Variants in MATK observed in about 807,000 individuals in gnomAD.
MATK encodes the protein megakaryocyte-associated tyrosine-protein kinase.
Under a neutral mutation model 59.8 loss-of-function variants are expected in MATK, and 41 were observed. The observed-to-expected ratio is 0.69, with a 90% confidence interval of 0.53 to 0.89. The LOEUF (loss-of-function observed/expected upper bound fraction) is 0.89, where lower values mean the gene tolerates loss of function less well. Among genes scored for constraint, MATK ranks in the 40% least tolerant of loss-of-function variants. The probability of loss-of-function intolerance (pLI) is 0.00; values close to 1 mark genes in which losing one functional copy is unlikely to be tolerated. For synonymous variants in MATK, 308 were observed against 306.1 expected (o/e 1.01, Z -0.06); for missense variants, 593 against 719.6 (o/e 0.82, Z 2.01).
Position 3,778,245 on chromosome 19 carries a change from G to T in MATK, c.1462C>A (p.Pro488Thr). The T allele has an allele frequency of 6.3e-7, 1 of 1,576,228 alleles. No individual in the cohort carries two copies. The highest frequency in any genetic ancestry group is 8.5e-7 in the Non-Finnish European group (1 of 1,170,896). The change falls in exon 14 of 14, where the codon CCA (proline) becomes ACA (threonine). Residue 488 changes from proline to threonine, a missense_variant. Physicochemically the swap from Pro to Thr is conservative, Grantham distance 38 (BLOSUM62 -1). Coordinates refer to ENST00000310132, the MANE Select transcript of MATK (RefSeq NM_139355.3). ...LARELRSAGA[P>T]ASVSGQDADG... ...GCGTCCTGCCCTGAGACGGAGGCTG[G>T]GGCACCTGCACTGCGTAGCTCCCGG...
chr19:3,781,534 GCT>G, intron 8 of MATK, 71 bp downstream of exon 8: 6 of 1,496,960 alleles, frequency 4.0e-6, no homozygotes, highest in South Asian at 2.3e-5. Context: ...TTTGAATTCA[GCT>G]CTGTGACTCC....
chr19:3,785,039 G>A (rs745491390), intron 2 of MATK, 25 bp downstream of exon 2: 3 of 1,606,888 alleles, frequency 1.9e-6, no homozygotes, highest in Non-Finnish European at 1.7e-6. Flanking sequence ...GGCTCCCCAA[G>A]CCCCTGTGGG....
At chr19:3,791,321 T>C (rs2037539021), upstream of MATK, among the ~76,000 whole-genome samples, 1 of 151,256 alleles carries the variant, frequency 6.6e-6, no homozygotes. Context: ...AGCAGCCCAG[T>C]GGACACAGTC....
chr19:3,788,047 A>G (rs2037504817), upstream of MATK, among the ~76,000 whole-genome samples: 1 of 149,502 alleles, frequency 6.7e-6, no homozygotes, highest in Non-Finnish European at 1.5e-5. Context: ...ACACGTGCAC[A>G]CCATGGTGCC....
In MATK at chr19:3,778,612, G is replaced by A. The variant is rs775491500; in HGVS notation, c.1198-17C>T. On this transcript the variant is annotated splice_polypyrimidine_tract_variant and intron_variant, in intron 12 of 13. Coordinates refer to ENST00000310132, the MANE Select transcript of MATK (RefSeq NM_139355.3). ...GGTGAACTTCTGTGGGGCCCGAGAC[G>A]GGGGTGAGGAGGGACCCCTCAGGTT... 35 of 1,599,622 alleles carry A rather than the reference G, an allele frequency of 2.2e-5. No homozygotes were observed. The East Asian group carries it at 4.1e-4, about 19-fold the overall frequency.
Position 3,784,465 on chromosome 19 carries a change from CG to C in MATK, c.133-15del. The C allele has an allele frequency of 6.4e-7, 1 of 1,568,250 alleles. No individual in the cohort carries two copies. Among genetic ancestry groups the C allele is most frequent in the Non-Finnish European group, 8.6e-7 (1 of 1,157,864 alleles). On this transcript the variant is annotated splice_polypyrimidine_tract_variant and intron_variant, in intron 3 of 13. Coordinates refer to ENST00000310132, the MANE Select transcript of MATK (RefSeq NM_139355.3). Reference sequence around the variant, plus strand: ...GGCCCAGCGCCTCTGCAGAGGGGGCCGGGAGAGGGGCAAAGGGAGGACATCA... The same window carrying C: ...GGCCCAGCGCCTCTGCAGAGGGGGCCGGAGAGGGGCAAAGGGAGGACATCA...
In MATK at chr19:3,779,293, C is replaced by T. The variant is rs1699610692; in HGVS notation, c.1001+85G>A. On this transcript the variant is annotated intron_variant, in intron 11 of 13. Transcript: ENST00000310132. Reference sequence around the variant, plus strand: ...CCACAAGCTCACAAAGCCTCCCTGCCCCGTGCCTCAGTTTCCCCTTGATGG... The same window carrying T: ...CCACAAGCTCACAAAGCCTCCCTGCTCCGTGCCTCAGTTTCCCCTTGATGG... 3.8e-6 allele frequency: 6 copies of T among 1,574,270 alleles called. No homozygotes were observed. The South Asian group carries it at 6.7e-5, about 18-fold the overall frequency.
chr19:3,784,739 T>C, intron 3 of MATK, 86 bp downstream of exon 3: 1 of 908,994 alleles, frequency 1.1e-6, no homozygotes, highest in Non-Finnish European at 1.8e-6. Context: ...GGGCAGAGAG[T>C]ACAGCCCTTC....
At chr19:3,796,039 C>T (rs1018356482) in intron 1 of MATK, among the ~76,000 whole-genome samples, 4 of 151,914 alleles carry the variant, frequency 2.6e-5, no homozygotes, top group Admixed American at 6.6e-5. Context: ...TGGGATTACA[C>T]GTGTGAGCCA....
chr19:3,783,318 C>T (rs1273188670), intron 6 of MATK, 99 bp from the exon 7 acceptor site: 3 of 302,762 alleles, frequency 9.9e-6, no homozygotes, highest in Non-Finnish European at 1.4e-5. Flanking sequence ...TGGGTGGGAC[C>T]GGGGAGGAGG....
intron 1 of MATK, among the ~76,000 whole-genome samples, chr19:3,798,597 CT>C (rs1361714162): frequency 6.6e-6 from 1 of 152,172 alleles, no homozygotes; most frequent in Non-Finnish European, 1.5e-5. Context: ...ACTGCAATCT[CT>C]GCTTCCCAGG....
At position 3,792,106 on chromosome 19, in the gene MATK, T is replaced by TA. The variant is rs59970387; in HGVS notation, c.-57-2703dup. 2.0e-4 allele frequency among the ~76,000 whole-genome samples: 28 copies of TA among 141,166 alleles called. 1 individual carries two copies. The highest frequency in any genetic ancestry group is 4.5e-4 in the African/African-American group (17 of 38,150). 92.6% of individuals were successfully genotyped at this position (141,166 alleles called of 152,430 possible). ...CTGGCAACAGAGTGAGACTCCATCTTAAAAAAAAAAAAAAAAGTGTAAAGT... is the reference window on the plus strand; with the variant it reads ...CTGGCAACAGAGTGAGACTCCATCTTAAAAAAAAAAAAAAAAAGTGTAAAGT... On this transcript the variant is annotated intron_variant, in intron 1 of 13. Transcript: ENST00000395045.
At chr19:3,788,756 ATC>A (rs1243732757), upstream of MATK, among the ~76,000 whole-genome samples, 3 of 150,884 alleles carry the variant, frequency 2.0e-5, no homozygotes, top group African/African-American at 7.3e-5. Context: ...CCACTGCACT[ATC>A]TCAGCTCACT....
At position 3,778,028 on chromosome 19, in the gene MATK, C is replaced by T. The variant is rs935717875; in HGVS notation, c.*155G>A. 37 of 1,088,762 alleles carry T rather than the reference C, an allele frequency of 3.4e-5. No homozygotes were observed. Among genetic ancestry groups the T allele is most frequent in the African/African-American group, 5.0e-5 (3 of 60,362 alleles). The allele number at this position is 1,088,762 out of a possible 1,614,324, so 67.4% of individuals were successfully genotyped here. The stretch of plus-strand genomic sequence containing the variant: ...ATCCTTCGCAGGTCTGGGGTGTCCA[C>T]GGGCCGCCCAGAGCCCCCTACGTGG... On this transcript the variant is annotated 3_prime_UTR_variant, in exon 14 of 14. Coordinates refer to ENST00000310132, the MANE Select transcript of MATK (RefSeq NM_139355.3).
chr19:3,780,459 GCT>G (rs768515978), intron 8 of MATK, among the ~76,000 whole-genome samples: 4 of 151,606 alleles, frequency 2.6e-5, no homozygotes, highest in Non-Finnish European at 5.9e-5. Context: ...ACGGAGTCTT[GCT>G]CTGTCGCCCA....
chr19:3,783,255 A>G, intron 6 of MATK, 36 bp from the exon 7 acceptor site: 1 of 1,181,454 alleles, frequency 8.5e-7, no homozygotes, highest in East Asian at 5.6e-5. Flanking sequence ...GCCCAGCCCC[A>G]GGGAGGGGAA....
chr19:3,778,200 G>C lies in MATK; in HGVS notation c.1507C>G (p.Arg503Gly), dbSNP rs750204741. Residue 503 changes from arginine to glycine, a missense_variant, in exon 14 of 14, where the codon CGA (arginine) becomes GGA (glycine). Coordinates refer to ENST00000310132, the MANE Select transcript of MATK (RefSeq NM_139355.3). ...GQDADGSTSP[R>G]SQEP ...GGGTGGGGTCAGGGCTCCTGGCTTC[G>C]GGGCGAGGTGGAGCCGTCGGCGTCC... 1.9e-6 allele frequency: 3 copies of C among 1,562,404 alleles called. No homozygotes were observed. The highest frequency in any genetic ancestry group is 2.6e-6 in the Non-Finnish European group (3 of 1,162,632).
Position 3,783,845 on chromosome 19 carries a change from ACGGCCTCATCGATTGTGAGGTGGC to A in MATK, c.527_550del (p.Gly176_Ala183del). On this transcript the variant is annotated inframe_deletion, in exon 6 of 14. Transcript: ENST00000310132. The stretch of plus-strand genomic sequence containing the variant: ...CATGTCCATGAGGTTGCAGAAGAAC[ACGGCCTCATCGATTGTGAGGTGGC>A]CGTCGCGGTGCAGCACGCGGTAGTG... 1.2e-6 allele frequency: 2 copies of A among 1,612,946 alleles called. No individual in the cohort carries two copies. The highest frequency in any genetic ancestry group is 1.7e-6 in the Non-Finnish European group (2 of 1,179,684).
At chr19:3,780,349 C>T (rs2037382925) in intron 8 of MATK, among the ~76,000 whole-genome samples, 1 of 152,160 alleles carries the variant, frequency 6.6e-6, no homozygotes, top group Non-Finnish European at 1.5e-5. Flanking sequence ...AACCCCCACC[C>T]CCTCGGGGCC....
Sources: allele counts gnomAD v4.1 joint callset (sites outside exome capture counted in the v4.1 genomes callset), GRCh38; gene constraint gnomAD v4.1.1; transcripts MANE v1.5; gene names NCBI Gene and HGNC (gene_info 2026-07-23, HGNC 2026-07-21).